Variants in REDIC1 observed in about 807,000 individuals in gnomAD.
REDIC1 encodes regulator of DNA class I crossover intermediates 1.
the REDIC1 span, among the ~76,000 whole-genome samples, chr12:39,709,980 A>G: frequency 6.6e-6 from 1 of 151,644 alleles, no homozygotes; most frequent in Non-Finnish European, 1.5e-5. Context: ...CCTTGCCAAT[A>G]TTTATTATTT....
chr12:39,818,984 T>C, the REDIC1 span, among the ~76,000 whole-genome samples: 1 of 152,082 alleles, frequency 6.6e-6, no homozygotes. Flanking sequence ...TCCCAAAAAC[T>C]CAATGTTAAA....
At chr12:39,627,457 A>G in the REDIC1 span, among the ~76,000 whole-genome samples, 1 of 152,216 alleles carries the variant, frequency 6.6e-6, no homozygotes, top group South Asian at 2.1e-4. Context: ...CACTATTAAA[A>G]TGTAGATGTT....
At chr12:39,902,825 T>C in the REDIC1 span, among the ~76,000 whole-genome samples, 3 of 152,118 alleles carry the variant, frequency 2.0e-5, no homozygotes, top group African/African-American at 4.8e-5. Flanking sequence ...GTGAGTGGCA[T>C]AGCAGTCTCA....
the REDIC1 span, among the ~76,000 whole-genome samples, chr12:39,746,513 G>A: frequency 1.3e-5 from 2 of 152,170 alleles, no homozygotes; most frequent in African/African-American, 4.8e-5. Context: ...GGACATAGCC[G>A]AACAGAAGGC....
the REDIC1 span, chr12:39,745,879 A>T: frequency 6.6e-6 from 1 of 152,322 alleles, no homozygotes; most frequent in Non-Finnish European, 1.5e-5. Context: ...AACTTCCGCT[A>T]TTCCTTTGCT....
At chr12:39,747,458 C>A in the REDIC1 span, among the ~76,000 whole-genome samples, 10 of 152,172 alleles carry the variant, frequency 6.6e-5, no homozygotes, top group African/African-American at 2.4e-4. Flanking sequence ...GATTGGTGTA[C>A]CTGAAAGTGA....
the REDIC1 span, among the ~76,000 whole-genome samples, chr12:39,711,495 AAG>A: frequency 6.3e-5 from 9 of 143,772 alleles, no homozygotes; most frequent in African/African-American, 2.3e-4. Context: ...ATATGTATAT[AAG>A]TATGTATATA....
At chr12:39,746,702 C>T in the REDIC1 span, among the ~76,000 whole-genome samples, 13 of 152,302 alleles carry the variant, frequency 8.5e-5, no homozygotes, top group African/African-American at 2.4e-4. Context: ...ACACCTCACA[C>T]GGCTGGGTGC....
the REDIC1 span, among the ~76,000 whole-genome samples, chr12:39,731,348 TC>T: frequency 6.6e-6 from 1 of 152,210 alleles, no homozygotes; most frequent in African/African-American, 2.4e-5. Flanking sequence ...TGTGTGGACA[TC>T]CTTTTTGTTG....
the REDIC1 span, among the ~76,000 whole-genome samples, chr12:39,666,974 T>C: frequency 1.3e-5 from 2 of 152,202 alleles, no homozygotes; most frequent in African/African-American, 4.8e-5. Context: ...TTTATTAGTC[T>C]TGCTAGCGGT....
At chr12:39,637,374 T>C in the REDIC1 span, among the ~76,000 whole-genome samples, 1 of 152,086 alleles carries the variant, frequency 6.6e-6, no homozygotes, top group Non-Finnish European at 1.5e-5. Flanking sequence ...CAGAATAACG[T>C]AGTAATTACT....
At chr12:39,780,635 G>T in the REDIC1 span, among the ~76,000 whole-genome samples, 1 of 152,176 alleles carries the variant, frequency 6.6e-6, no homozygotes, top group East Asian at 1.9e-4. Flanking sequence ...TGAGCTAGAA[G>T]TTAAAATATC....
the REDIC1 span, among the ~76,000 whole-genome samples, chr12:39,712,692 TATACGTGTATATATGTATATAGAC>T: frequency 3.2e-3 from 12 of 3,726 alleles, no homozygotes; most frequent in Non-Finnish European, 6.9e-3. Context: ...TATATATACG[TATACGTGTATATATGTATATAGAC>T]GTATACGTGT....
chr12:39,691,443 G>A, the REDIC1 span, among the ~76,000 whole-genome samples: 1 of 152,040 alleles, frequency 6.6e-6, no homozygotes, highest in African/African-American at 2.4e-5. Flanking sequence ...ATTTATTTAA[G>A]GAGAGATTCA....
chr12:39,896,508 ACATG>A, the REDIC1 span, among the ~76,000 whole-genome samples: 5 of 144,184 alleles, frequency 3.5e-5, no homozygotes, highest in Non-Finnish European at 6.1e-5. Flanking sequence ...ATATGTATGT[ACATG>A]TGTGTATACA....
At chr12:39,896,282 GTATGTATATGTGTGTATATATGTATA>G in the REDIC1 span, among the ~76,000 whole-genome samples, 1 of 38,036 alleles carries the variant, frequency 2.6e-5, no homozygotes, top group South Asian at 9.3e-4. Context: ...ATGTATACAT[GTATGTATATGTGTGTATATATGTATA>G]CATATATGTA....
chr12:39,716,814 C>G, the REDIC1 span: 1 of 1,599,916 alleles, frequency 6.3e-7, no homozygotes, highest in Non-Finnish European at 8.5e-7. Flanking sequence ...CAACAGACAG[C>G]TGTTTCAGTT....
chr12:39,679,741 A>G, the REDIC1 span, among the ~76,000 whole-genome samples: 6 of 152,226 alleles, frequency 3.9e-5, no homozygotes, highest in Non-Finnish European at 7.3e-5. Flanking sequence ...ACTTCAAACT[A>G]TACTACAGGG....
the REDIC1 span, chr12:39,682,541 G>A: frequency 1.6e-6 from 2 of 1,213,846 alleles, no homozygotes; most frequent in Non-Finnish European, 2.2e-6. Flanking sequence ...TCTAAGAATT[G>A]AAAGTAAGAG....
Sources: gnomAD v4.1 joint callset for allele counts (sites outside exome capture counted in the v4.1 genomes callset) on GRCh38, gnomAD v4.1.1 for gene constraint, MANE v1.5 for transcripts, NCBI Gene and HGNC (gene_info 2026-07-23, HGNC 2026-07-21) for gene names.